Variants in CCDC170 observed in about 807,000 individuals in gnomAD.
The protein encoded by CCDC170 is coiled-coil domain containing 170.
A neutral mutation model predicts 72.6 loss-of-function variants in CCDC170; 69 were observed. The observed-to-expected ratio is 0.95, with a 90% CI of 0.78 to 1.16. The LOEUF (loss-of-function observed/expected upper bound fraction) is 1.16. Ranked by LOEUF, CCDC170 falls within the 50% of genes most tolerant of loss-of-function variation. CCDC170 has a pLI of 0.00. For synonymous variants in CCDC170, 300 were observed against 303.9 expected, an observed-to-expected ratio of 0.99 and a Z score of 0.13; for missense variants, 852 against 832.5, an observed-to-expected ratio of 1.02 and a Z score of -0.29.
At chr6:151,513,370 GATGCCA>G in intron 1 of CCDC170, among the ~76,000 whole-genome samples, 1 of 152,248 alleles carries the variant, frequency 6.6e-6, no homozygotes, top group South Asian at 2.1e-4. Flanking sequence ...AGCACTTTGG[GATGCCA>G]AGGCGGGCAG....
At chr6:151,498,190 G>A (rs1781938417) in intron 1 of CCDC170, among the ~76,000 whole-genome samples, 1 of 152,032 alleles carries the variant, frequency 6.6e-6, no homozygotes. Flanking sequence ...TTGGGAATTT[G>A]AGCATCTCTT....
chr6:151,556,292 C>T (rs1782972948), intron 5 of CCDC170, among the ~76,000 whole-genome samples: 1 of 152,066 alleles, frequency 6.6e-6, no homozygotes, highest in Non-Finnish European at 1.5e-5. Flanking sequence ...CCCATCTCTA[C>T]CAAAAGCACA....
At chr6:151,537,563 T>A (rs1196086318) in intron 2 of CCDC170, among the ~76,000 whole-genome samples, 1 of 152,240 alleles carries the variant, frequency 6.6e-6, no homozygotes, top group African/African-American at 2.4e-5. Flanking sequence ...ATTTAAATGT[T>A]ATTTTTATTT....
At chr6:151,586,519 G>A (rs1376967887) in intron 7 of CCDC170, among the ~76,000 whole-genome samples, 1 of 152,166 alleles carries the variant, frequency 6.6e-6, no homozygotes, top group African/African-American at 2.4e-5. Flanking sequence ...TGAAAGATAA[G>A]TCAGATTATA....
chr6:151,601,732 G>T (rs888430882), intron 9 of CCDC170, among the ~76,000 whole-genome samples: 4 of 152,170 alleles, frequency 2.6e-5, no homozygotes, highest in Admixed American at 2.6e-4. Flanking sequence ...AAGACTGGCA[G>T]ATTATCCTTG....
intron 9 of CCDC170, among the ~76,000 whole-genome samples, chr6:151,597,458 G>T (rs1393055553): frequency 4.6e-5 from 7 of 152,346 alleles, no homozygotes; most frequent in South Asian, 4.1e-4. Flanking sequence ...GTCCAGAAAA[G>T]AAATACATTT....
intron 1 of CCDC170, among the ~76,000 whole-genome samples, chr6:151,530,829 G>A (rs1358516169): frequency 6.6e-6 from 1 of 152,054 alleles, no homozygotes; most frequent in Non-Finnish European, 1.5e-5. Flanking sequence ...TGAGTGAGGT[G>A]GGACATTTCT....
intron 5 of CCDC170, among the ~76,000 whole-genome samples, chr6:151,557,144 C>T (rs921458836): frequency 1.9e-4 from 29 of 152,124 alleles, no homozygotes; most frequent in Non-Finnish European, 1.5e-5. Context: ...CGCAGAGGCT[C>T]ACACCTGTAA....
At chr6:151,575,947 A>G (rs1408169781) in intron 6 of CCDC170, among the ~76,000 whole-genome samples, 1 of 152,202 alleles carries the variant, frequency 6.6e-6, no homozygotes, top group Non-Finnish European at 1.5e-5. Flanking sequence ...CTCAGTTTAC[A>G]TGGAGGTACT....
Position 151,548,495 on chromosome 6 carries a change from A to T in CCDC170, c.774+6A>T. On this transcript the variant is annotated splice_donor_region_variant and intron_variant, in intron 5 of 10. Transcript: ENST00000239374. ...AGAAAGAGAAGCTGAACCAGGTATG[A>T]TATGTGAAGTATACGTGTGCATCTG... 1 of 1,566,828 alleles carries T rather than the reference A, an allele frequency of 6.4e-7. No individual in the cohort carries two copies. The highest frequency in any genetic ancestry group is 1.2e-5 in the South Asian group (1 of 83,918).
intron 5 of CCDC170, among the ~76,000 whole-genome samples, chr6:151,559,852 C>A (rs1783047731): frequency 6.6e-6 from 1 of 152,002 alleles, no homozygotes; most frequent in South Asian, 2.1e-4. Context: ...TCTTAGTTAA[C>A]TTGGCTAGTG....
At chr6:151,541,707 AG>A (rs1782693228) in intron 3 of CCDC170, among the ~76,000 whole-genome samples, 2 of 151,290 alleles carry the variant, frequency 1.3e-5, no homozygotes, top group Non-Finnish European at 2.9e-5. Context: ...TCATGATTAT[AG>A]AAAAGCTATA....
At chr6:151,529,787 GC>G (rs1301413940) in intron 1 of CCDC170, among the ~76,000 whole-genome samples, 1 of 152,160 alleles carries the variant, frequency 6.6e-6, no homozygotes, top group Non-Finnish European at 1.5e-5. Flanking sequence ...AGTTTCTGTT[GC>G]TATAACAGAA....
intron 9 of CCDC170, among the ~76,000 whole-genome samples, chr6:151,604,218 A>G (rs1776751146): frequency 6.6e-6 from 1 of 151,784 alleles, no homozygotes; most frequent in African/African-American, 2.4e-5. Context: ...TTCCTTCCCC[A>G]CTCCAGAACT....
chr6:151,604,029 A>G (rs77679349), intron 9 of CCDC170, among the ~76,000 whole-genome samples: 8,738 of 152,250 alleles, frequency 0.057, 308 homozygotes, highest in South Asian at 0.096. Context: ...AACCTTAGTA[A>G]GGAGCTATGG....
intron 9 of CCDC170, among the ~76,000 whole-genome samples, chr6:151,611,735 G>A (rs1776875262): frequency 1.3e-5 from 2 of 151,888 alleles, no homozygotes; most frequent in Non-Finnish European, 2.9e-5. Context: ...TTTTGCGACG[G>A]AGTCTCACTC....
intron 9 of CCDC170, among the ~76,000 whole-genome samples, chr6:151,606,182 G>A (rs796844858): frequency 2.6e-4 from 40 of 152,212 alleles, no homozygotes; most frequent in African/African-American, 8.7e-4. Flanking sequence ...GATTACAGGC[G>A]TGAGCCACTG....
intron 6 of CCDC170, 26 bp from the exon 7 acceptor site, chr6:151,585,863 T>G: frequency 6.2e-7 from 1 of 1,607,560 alleles, no homozygotes; most frequent in Non-Finnish European, 8.5e-7. Flanking sequence ...ACAAGGCTTA[T>G]TCTTGATCTG....
At chr6:151,557,238 C>T (rs1782995204) in intron 5 of CCDC170, among the ~76,000 whole-genome samples, 2 of 151,904 alleles carry the variant, frequency 1.3e-5, no homozygotes, top group Admixed American at 6.6e-5. Context: ...GGAACCCCGT[C>T]TCTACTAAAA....
Sources: allele counts gnomAD v4.1 joint callset (sites outside exome capture counted in the v4.1 genomes callset), GRCh38; gene constraint gnomAD v4.1.1; transcripts MANE v1.5; gene names NCBI Gene and HGNC (gene_info 2026-07-23, HGNC 2026-07-21).